Variants in KCNC2 observed in about 807,000 individuals in gnomAD.
KCNC2 encodes the protein voltage-gated potassium channel KCNC2.
KCNC2 carries 21 observed loss-of-function variants against 44.5 expected under a neutral mutation model. The ratio of observed to expected loss-of-function variants is 0.47; its 90% CI spans 0.33 to 0.68. The LOEUF is 0.68. Among genes scored for constraint, KCNC2 ranks in the 30% least tolerant of loss-of-function variants. The pLI, the probability that KCNC2 is intolerant of heterozygous loss-of-function variation, is 0.01. For missense variants in KCNC2, 589 were observed against 826.2 expected (o/e 0.71, Z 3.52); for synonymous variants, 391 against 339.1 (o/e 1.15, Z -1.68).
intron 2 of KCNC2, among the ~76,000 whole-genome samples, chr12:75,117,365 G>A (rs1451593995): frequency 6.6e-6 from 1 of 152,176 alleles, no homozygotes; most frequent in Admixed American, 6.5e-5. Context: ...TGGGATAGCA[G>A]ACAATTTACA....
chr12:75,202,693 G>A lies in KCNC2; in HGVS notation c.687+4604C>T, dbSNP rs763745655. Among the ~76,000 whole-genome samples the A allele has an allele frequency of 4.6e-5, 7 of 151,468 alleles. 1 individual carries two copies. Among genetic ancestry groups the A allele is most frequent in the Non-Finnish European group, 1.0e-4 (7 of 67,668 alleles). The stretch of plus-strand genomic sequence containing the variant: ...GAAAACAGAAAAATAAAGAATTTAA[G>A]AGCCTAATATTTTGTAATAAAATAA... On this transcript the variant is annotated intron_variant, in intron 2 of 4. Coordinates refer to ENST00000549446, the MANE Select transcript of KCNC2 (RefSeq NM_139137.4).
intron 2 of KCNC2, chr12:75,124,009 C>A (rs1370016929): frequency 6.6e-6 from 1 of 152,190 alleles, no homozygotes; most frequent in Non-Finnish European, 1.5e-5. Context: ...AAAAAACTCA[C>A]CACATTTCTT....
intron 2 of KCNC2, among the ~76,000 whole-genome samples, chr12:75,126,230 C>CTAA (rs949868848): frequency 2.0e-5 from 3 of 152,082 alleles, no homozygotes; most frequent in African/African-American, 2.4e-5. Flanking sequence ...GATGGTAAAA[C>CTAA]TAATAGTCAG....
intron 2 of KCNC2, among the ~76,000 whole-genome samples, chr12:75,143,712 C>T (rs1889817938): frequency 6.6e-6 from 1 of 152,170 alleles, no homozygotes; most frequent in African/African-American, 2.4e-5. Flanking sequence ...CTTCATGCTT[C>T]TCCCTTTCTA....
intron 2 of KCNC2, among the ~76,000 whole-genome samples, chr12:75,125,222 T>C (rs1348923628): frequency 6.6e-6 from 1 of 152,202 alleles, no homozygotes; most frequent in African/African-American, 2.4e-5. Flanking sequence ...TTATACCAAC[T>C]AGAAAACTCA....
chr12:75,061,184 A>C (rs1462117074), intron 2 of KCNC2, among the ~76,000 whole-genome samples: 2 of 152,174 alleles, frequency 1.3e-5, no homozygotes, highest in Non-Finnish European at 2.9e-5. Context: ...GGCAAAGATT[A>C]TGGCCATACC....
At chr12:75,093,888 C>A (rs1013759220) in intron 2 of KCNC2, among the ~76,000 whole-genome samples, 7 of 151,670 alleles carry the variant, frequency 4.6e-5, no homozygotes, top group Non-Finnish European at 8.9e-5. Flanking sequence ...ACTTACAGAG[C>A]TGAATTTAAT....
intron 2 of KCNC2, among the ~76,000 whole-genome samples, chr12:75,190,336 T>G (rs2030074416): frequency 6.6e-6 from 1 of 152,146 alleles, no homozygotes; most frequent in South Asian, 2.1e-4. Flanking sequence ...CCCACTAATT[T>G]CTATTTCTTA....
At chr12:75,155,311 AACT>A (rs1359750724) in intron 2 of KCNC2, among the ~76,000 whole-genome samples, 1 of 151,936 alleles carries the variant, frequency 6.6e-6, no homozygotes, top group African/African-American at 2.4e-5. Flanking sequence ...TTTAAAACCT[AACT>A]CCGAGTTAGC....
At chr12:75,170,128 TTCC>T (rs1891716366) in intron 2 of KCNC2, among the ~76,000 whole-genome samples, 1 of 151,772 alleles carries the variant, frequency 6.6e-6, no homozygotes, top group African/African-American at 2.4e-5. Context: ...GTCACTAGAA[TTCC>T]AAGCTCAGAA....
At chr12:75,110,849 C>T (rs12313261) in intron 2 of KCNC2, among the ~76,000 whole-genome samples, 21,322 of 151,946 alleles carry the variant, frequency 0.14, 1,720 homozygotes, top group Middle Eastern at 0.27. Context: ...ATTGTCCTAA[C>T]GCCTTGACAC....
chr12:75,201,878 T>C (rs546460577), intron 2 of KCNC2, among the ~76,000 whole-genome samples: 168 of 152,098 alleles, frequency 1.1e-3, no homozygotes, highest in African/African-American at 3.4e-3. Context: ...TTCCACTATA[T>C]ATTTTCTTCT....
At chr12:75,163,554 A>G (rs971264608) in intron 2 of KCNC2, among the ~76,000 whole-genome samples, 3 of 151,886 alleles carry the variant, frequency 2.0e-5, no homozygotes, top group African/African-American at 7.2e-5. Flanking sequence ...AAGCACACAC[A>G]TATTCCTGTA....
chr12:75,140,089 T>C (rs527872003), intron 2 of KCNC2: 4 of 152,284 alleles, frequency 2.6e-5, no homozygotes, highest in South Asian at 4.1e-4. Context: ...TAATGGTCTC[T>C]CCTGTGGTCA....
At chr12:75,139,213 C>T (rs1381107486) in intron 2 of KCNC2, among the ~76,000 whole-genome samples, 1 of 152,094 alleles carries the variant, frequency 6.6e-6, no homozygotes, top group Non-Finnish European at 1.5e-5. Flanking sequence ...AAATAACCAA[C>T]TCATTTCATT....
chr12:75,112,793 A>G (rs1565865321), intron 2 of KCNC2, among the ~76,000 whole-genome samples: 1 of 152,116 alleles, frequency 6.6e-6, no homozygotes, highest in Non-Finnish European at 1.5e-5. Context: ...CATATTAAGT[A>G]CATTACTTTT....
chr12:75,188,643 C>T (rs912485381), intron 2 of KCNC2, among the ~76,000 whole-genome samples: 6 of 151,652 alleles, frequency 4.0e-5, no homozygotes, highest in African/African-American at 1.5e-4. Context: ...GGGTGGATCA[C>T]GAGGTCAGGA....
rs540609085 is a variant in KCNC2, at chr12:75,085,260, T to G, written c.688-33943A>C. Among the ~76,000 whole-genome samples the G allele has an allele frequency of 2.6e-5, 4 of 152,176 alleles. No individual in the cohort carries two copies. In the South Asian group the frequency reaches 8.3e-4, roughly 32 times the overall value. On this transcript the variant is annotated intron_variant, in intron 2 of 4. Transcript: ENST00000549446. ...CAGTAACCTCTTCATCTTGATTATC[T>G]TATGTTACATATCTTGTATCAGAGC...
chr12:75,041,615 A>T lies in KCNC2; in HGVS notation c.*1490T>A. ...CTGTTGAATTCATAGGAATGCATAAATAGACTTTCTTCCACTCAGACTGAA... is the reference window on the plus strand; with the variant it reads ...CTGTTGAATTCATAGGAATGCATAATTAGACTTTCTTCCACTCAGACTGAA... On this transcript the variant is annotated 3_prime_UTR_variant, in exon 5 of 5. Transcript: ENST00000549446. The T allele has an allele frequency of 9.7e-7, 1 of 1,025,848 alleles. No homozygotes were observed. The highest frequency in any genetic ancestry group is 1.2e-6 in the Non-Finnish European group (1 of 853,188). 63.5% of individuals were successfully genotyped at this position (1,025,848 alleles called of 1,614,324 possible).
Sources: gnomAD v4.1 joint callset for allele counts (sites outside exome capture counted in the v4.1 genomes callset) on GRCh38, gnomAD v4.1.1 for gene constraint, MANE v1.5 for transcripts, NCBI Gene and HGNC (gene_info 2026-07-23, HGNC 2026-07-21) for gene names.